The following CAMTA1 variants were observed in gnomAD, a reference collection of about 807,000 sequenced individuals.
CAMTA1 encodes the protein calmodulin-binding transcription activator 1.
CAMTA1 carries 27 observed loss-of-function variants against 170.9 expected under a neutral mutation model. The observed-to-expected ratio is 0.16, with a 90% CI of 0.12 to 0.22. CAMTA1 has a LOEUF of 0.22. Ranked by LOEUF, CAMTA1 falls within the 10% of genes least tolerant of loss-of-function variation. CAMTA1 has a pLI of 1.00. For synonymous variants in CAMTA1, 833 were observed against 891.5 expected (o/e 0.93, Z 1.17); for missense variants, 1,619 against 2,217.2 (o/e 0.73, Z 5.42).
At chr1:7,351,827 G>C (rs2084696327) in intron 5 of CAMTA1, among the ~76,000 whole-genome samples, 1 of 152,204 alleles carries the variant, frequency 6.6e-6, no homozygotes, top group South Asian at 2.1e-4. Context: ...TATTATGTGG[G>C]CTTGACATTT....
intron 5 of CAMTA1, among the ~76,000 whole-genome samples, chr1:7,338,077 T>C (rs570530725): frequency 1.1e-4 from 16 of 144,164 alleles, no homozygotes; most frequent in African/African-American, 3.5e-4. Context: ...ACATATATAT[T>C]GTCCTATTGG....
intron 3 of CAMTA1, among the ~76,000 whole-genome samples, chr1:6,906,083 G>A (rs983194160): frequency 6.6e-6 from 1 of 152,182 alleles, no homozygotes; most frequent in Admixed American, 6.5e-5. Context: ...AGTCACCCAC[G>A]GTCTTTTCTG....
At chr1:7,254,108 G>A (rs1216321843) in intron 5 of CAMTA1, among the ~76,000 whole-genome samples, 5 of 151,932 alleles carry the variant, frequency 3.3e-5, no homozygotes, top group Admixed American at 3.3e-4. Context: ...CGGTGGGAGC[G>A]GGTCAAGTGA....
At chr1:7,289,877 C>T (rs1336137900) in intron 5 of CAMTA1, among the ~76,000 whole-genome samples, 6 of 152,152 alleles carry the variant, frequency 3.9e-5, no homozygotes, top group African/African-American at 1.2e-4. Flanking sequence ...TCAGAGAGGG[C>T]GTGGTCTTAC....
At chr1:7,130,830 C>A (rs1459336039) in intron 4 of CAMTA1, among the ~76,000 whole-genome samples, 1 of 152,076 alleles carries the variant, frequency 6.6e-6, no homozygotes, top group Non-Finnish European at 1.5e-5. Flanking sequence ...CAATCTTTTG[C>A]CTCTTTAAAA....
intron 3 of CAMTA1, among the ~76,000 whole-genome samples, chr1:6,917,925 T>G (rs1463515919): frequency 6.6e-6 from 1 of 151,672 alleles, no homozygotes; most frequent in Non-Finnish European, 1.5e-5. Context: ...AGGCCATGGG[T>G]CACAGCGAAG....
intron 4 of CAMTA1, among the ~76,000 whole-genome samples, chr1:7,189,691 T>C (rs1654149938): frequency 6.6e-6 from 1 of 152,202 alleles, no homozygotes; most frequent in African/African-American, 2.4e-5. Flanking sequence ...GGTGGGAATG[T>C]AAACTAGTAC....
Position 7,738,595 on chromosome 1 carries a change from G to A in CAMTA1, c.4182+113G>A. On this transcript the variant is annotated intron_variant, in intron 16 of 22. Transcript: ENST00000303635. This position sits in a 1 kb window ranked among gnomAD's most constrained non-coding sequence, Gnocchi z 4.9. The stretch of plus-strand genomic sequence containing the variant: ...TTTTCCTCCCCGTGAAGCCTTCGAA[G>A]TTGGCTTTGTGCAGAACATCGTTGG... 1 of 1,219,816 alleles carries A rather than the reference G, an allele frequency of 8.2e-7. No homozygotes were observed. 75.6% of individuals were successfully genotyped at this position (1,219,816 alleles called of 1,614,324 possible).
chr1:7,736,691 G>C lies in CAMTA1; in HGVS notation c.3263+151G>C. ...CTTTGTCCTTGGACAGTTTCCAAGG[G>C]AGTTTTATAAACTTCTTCCCAAGAA... On this transcript the variant is annotated intron_variant, in intron 13 of 22. Transcript: ENST00000303635. This position sits in a 1 kb window ranked among gnomAD's most constrained non-coding sequence, Gnocchi z 4.5. 1 of 794,406 alleles carries C rather than the reference G, an allele frequency of 1.3e-6. No individual in the cohort carries two copies. Among genetic ancestry groups the C allele is most frequent in the Non-Finnish European group, 2.0e-6 (1 of 496,748 alleles). The allele number at this position is 794,406 out of a possible 1,614,324, so 49.2% of individuals were successfully genotyped here.
intron 4 of CAMTA1, among the ~76,000 whole-genome samples, chr1:7,168,616 CT>C (rs1648981336): frequency 6.6e-6 from 1 of 152,176 alleles, no homozygotes; most frequent in African/African-American, 2.4e-5. Context: ...GTTGGCCAGG[CT>C]GGCCTGGAAC....
chr1:7,413,586 T>C (rs2090952884), intron 5 of CAMTA1, among the ~76,000 whole-genome samples: 1 of 152,210 alleles, frequency 6.6e-6, no homozygotes, highest in South Asian at 2.1e-4. Context: ...AGAATGCTTG[T>C]GATTTTTGCA....
intron 4 of CAMTA1, among the ~76,000 whole-genome samples, chr1:7,226,290 A>G (rs1661683630): frequency 6.6e-6 from 1 of 151,942 alleles, no homozygotes; most frequent in South Asian, 2.1e-4. Context: ...TGGAATTACA[A>G]TCATCTGCTT....
intron 5 of CAMTA1, among the ~76,000 whole-genome samples, chr1:7,263,154 G>A (rs962451546): frequency 2.6e-5 from 4 of 151,974 alleles, no homozygotes; most frequent in East Asian, 1.9e-4. Context: ...ACAAGTGTGC[G>A]CTTCATTATG....
At chr1:7,451,783 G>A (rs554515129) in intron 5 of CAMTA1, among the ~76,000 whole-genome samples, 2 of 152,282 alleles carry the variant, frequency 1.3e-5, no homozygotes. Context: ...AACCAGAAGG[G>A]CTATTGGCTC....
chr1:6,848,920 A>G (rs939919593), intron 3 of CAMTA1, among the ~76,000 whole-genome samples: 2 of 152,236 alleles, frequency 1.3e-5, no homozygotes, highest in Admixed American at 1.3e-4. Flanking sequence ...AAATGGGCTC[A>G]TAGGAGAATA....
At chr1:7,640,360 C>T (rs2095751620) in intron 6 of CAMTA1, 40 bp from the exon 7 acceptor site, 1 of 1,609,484 alleles carries the variant, frequency 6.2e-7, no homozygotes, top group African/African-American at 1.3e-5. Context: ...TGGTGGGCTC[C>T]ATGCCACCCT....
At chr1:7,123,892 C>T (rs539222016) in intron 4 of CAMTA1, among the ~76,000 whole-genome samples, 28 of 152,254 alleles carry the variant, frequency 1.8e-4, no homozygotes, top group African/African-American at 6.7e-4. Flanking sequence ...CAAGGGCAGC[C>T]AGGGGAGGTG....
Position 7,561,678 on chromosome 1 carries a change from C to T in CAMTA1, c.511-78722C>T, listed in dbSNP as rs370506743. On this transcript the variant is annotated intron_variant, in intron 6 of 22. Transcript: ENST00000303635. The surrounding 1 kb of genome is among the most constrained non-coding windows in gnomAD (Gnocchi z 5.3). ...TCAGCAGGCAAGGCTCCATGATGCC[C>T]GTCAGAGGCCACCCCTCCCCAGCCC... Among the ~76,000 whole-genome samples the T allele has an allele frequency of 4.6e-5, 7 of 151,874 alleles. No individual in the cohort carries two copies. In the East Asian group the frequency reaches 5.9e-4, roughly 13 times the overall value.
At chr1:7,742,692 G>A (rs1333419790) in intron 16 of CAMTA1, among the ~76,000 whole-genome samples, 1 of 152,196 alleles carries the variant, frequency 6.6e-6, no homozygotes, top group Non-Finnish European at 1.5e-5. Context: ...TGATTGTAGA[G>A]TGATAACCTT....
Sources: gnomAD v4.1 joint callset for allele counts (sites outside exome capture counted in the v4.1 genomes callset) on GRCh38, gnomAD v4.1.1 for gene constraint, Gnocchi (gnomAD v3.1) non-coding constraint, MANE v1.5 for transcripts, NCBI Gene and HGNC (gene_info 2026-07-23, HGNC 2026-07-21) for gene names.